AGMO: variants seen among roughly 807,000 people sequenced by gnomAD.
AGMO encodes alkylglycerol monooxygenase.
A neutral mutation model predicts 60.2 loss-of-function variants in AGMO; 75 were observed. That is an observed-to-expected ratio of 1.25 (90% confidence interval 1.03 to 1.51). The LOEUF (loss-of-function observed/expected upper bound fraction) is 1.51, where lower values mean the gene tolerates loss of function less well. Ranked by LOEUF, AGMO falls within the 40% of genes most tolerant of loss-of-function variation. The pLI, the probability that AGMO is intolerant of heterozygous loss-of-function variation, is 0.00. For synonymous variants in AGMO, 261 were observed against 177.1 expected (o/e 1.47, Z -3.76); for missense variants, 763 against 525.5 (o/e 1.45, Z -4.42).
chr7:15,226,855 T>C lies in AGMO; in HGVS notation c.1264-25496A>G, dbSNP rs146913871. 3.2e-4 allele frequency among the ~76,000 whole-genome samples: 48 copies of C among 152,180 alleles called. No homozygotes were observed. The East Asian group carries it at 8.9e-3, about 28-fold the overall frequency. ...ATTTTTATATTCATGAAAAATAGTC[T>C]GGCAGAAAACGTCATTATAAAATCA... On this transcript the variant is annotated intron_variant, in intron 12 of 12. Coordinates refer to ENST00000342526, the MANE Select transcript of AGMO (RefSeq NM_001004320.2).
chr7:15,332,392 C>T (rs550219770), intron 12 of AGMO, among the ~76,000 whole-genome samples: 1 of 152,232 alleles, frequency 6.6e-6, no homozygotes, highest in African/African-American at 2.4e-5. Context: ...AGGTCTGTCT[C>T]GTCTGGAAAC....
rs150893769 is a variant in AGMO at position 15,452,929 on chromosome 7, G to A, written c.410-21821C>T. ...GAAGTGATACATGTGCAGTGTGAATGAACTTGGAAATGTTATAGTAAGTGA... is the reference window on the plus strand; with the variant it reads ...GAAGTGATACATGTGCAGTGTGAATAAACTTGGAAATGTTATAGTAAGTGA... On this transcript the variant is annotated intron_variant, in intron 3 of 12. Coordinates refer to ENST00000342526, the MANE Select transcript of AGMO (RefSeq NM_001004320.2). Among the ~76,000 whole-genome samples, 854 of 152,274 alleles carry A rather than the reference G, an allele frequency of 5.6e-3. 5 individuals are homozygous for A. The highest frequency in any genetic ancestry group is 0.014 in the Middle Eastern group (4 of 294).
intron 12 of AGMO, among the ~76,000 whole-genome samples, chr7:15,202,298 T>C (rs547818532): frequency 6.6e-6 from 1 of 151,978 alleles, no homozygotes; most frequent in African/African-American, 2.4e-5. Context: ...ATTAAGAAGA[T>C]GAAGGCATGG....
At chr7:15,392,452 T>C (rs1001371646) in intron 6 of AGMO, among the ~76,000 whole-genome samples, 2 of 152,056 alleles carry the variant, frequency 1.3e-5, no homozygotes, top group African/African-American at 2.4e-5. Flanking sequence ...ACTTCTTGAC[T>C]TATGGAGTGG....
chr7:15,253,487 C>A (rs1039532203), intron 12 of AGMO, among the ~76,000 whole-genome samples: 19 of 152,060 alleles, frequency 1.2e-4, no homozygotes, highest in African/African-American at 4.6e-4. Context: ...GATTTCTGAG[C>A]AAGGTGCAGG....
At chr7:15,163,098 T>G in the AGMO span, among the ~76,000 whole-genome samples, 1 of 152,278 alleles carries the variant, frequency 6.6e-6, no homozygotes, top group East Asian at 1.9e-4. Context: ...TAATTGAAAT[T>G]GAGTTCTTAA....
intron 2 of AGMO, among the ~76,000 whole-genome samples, chr7:15,557,808 C>T (rs1224652097): frequency 6.6e-6 from 1 of 152,006 alleles, no homozygotes; most frequent in Admixed American, 6.6e-5. Context: ...GAGTAATTTG[C>T]TATTCTCATT....
At chr7:15,418,727 T>G (rs931682561) in intron 4 of AGMO, 74 bp from the exon 5 acceptor site, 8 of 863,168 alleles carry the variant, frequency 9.3e-6, no homozygotes, top group Non-Finnish European at 1.3e-5. Context: ...TTCAATATTC[T>G]GAATGCATAT....
At chr7:15,173,021 T>G in the AGMO span, among the ~76,000 whole-genome samples, 5 of 152,212 alleles carry the variant, frequency 3.3e-5, no homozygotes, top group East Asian at 9.6e-4. Flanking sequence ...ATAAAATATT[T>G]CTTTATAGCT....
intron 3 of AGMO, among the ~76,000 whole-genome samples, chr7:15,519,673 G>T (rs1783926330): frequency 6.6e-6 from 1 of 151,964 alleles, no homozygotes. Flanking sequence ...ATATGAAAAG[G>T]AAAAACCAGT....
At chr7:15,414,167 C>G (rs1433693109) in intron 5 of AGMO, among the ~76,000 whole-genome samples, 3 of 151,914 alleles carry the variant, frequency 2.0e-5, no homozygotes, top group African/African-American at 4.8e-5. Flanking sequence ...GCCACCACAC[C>G]CAGCTAATTG....
At chr7:15,294,637 A>G (rs1181803983) in intron 12 of AGMO, among the ~76,000 whole-genome samples, 1 of 151,950 alleles carries the variant, frequency 6.6e-6, no homozygotes, top group Non-Finnish European at 1.5e-5. Context: ...ATTTGAGGCG[A>G]TGGGAAGGCT....
At chr7:15,240,404 A>C (rs567648364) in intron 12 of AGMO, among the ~76,000 whole-genome samples, 2 of 152,194 alleles carry the variant, frequency 1.3e-5, no homozygotes, top group Non-Finnish European at 2.9e-5. Flanking sequence ...ACAAGAATTG[A>C]GAGAAGCTGA....
chr7:15,491,298 C>T (rs1783058932), intron 3 of AGMO, among the ~76,000 whole-genome samples: 1 of 152,056 alleles, frequency 6.6e-6, no homozygotes, highest in Non-Finnish European at 1.5e-5. Flanking sequence ...CAAAACTAGG[C>T]AAATTATACT....
Position 15,201,190 on chromosome 7 carries a change from T to C in AGMO, c.*95A>G. The C allele has an allele frequency of 2.9e-6, 2 of 697,386 alleles. No homozygotes were observed. The highest frequency in any genetic ancestry group is 4.6e-6 in the Non-Finnish European group (2 of 439,450). The allele number at this position is 697,386 out of a possible 1,614,324, so 43.2% of individuals were successfully genotyped here. A position where few individuals can be genotyped will look rare whatever the true frequency, so the allele number is the denominator to read the frequency against. Reference sequence around the variant, plus strand: ...TACTTTTCATTGAAGAAATAGTTCATATAAGCATTACATAAAATAATTACA... The same window carrying C: ...TACTTTTCATTGAAGAAATAGTTCACATAAGCATTACATAAAATAATTACA... On this transcript the variant is annotated 3_prime_UTR_variant, in exon 13 of 13. Coordinates refer to ENST00000342526, the MANE Select transcript of AGMO (RefSeq NM_001004320.2).
chr7:15,355,273 C>T (rs961226307), intron 12 of AGMO, among the ~76,000 whole-genome samples: 45 of 151,890 alleles, frequency 3.0e-4, no homozygotes, highest in African/African-American at 6.5e-4. Context: ...GAGGCCGAGA[C>T]GGGCGGATCA....
chr7:15,358,275 G>T (rs1340094542), intron 12 of AGMO: 1 of 357,180 alleles, frequency 2.8e-6, no homozygotes, highest in African/African-American at 2.2e-5. Context: ...TCTTAAGGTT[G>T]CTGCTTTGAG....
At chr7:15,551,397 A>G (rs1784956208) in intron 2 of AGMO, among the ~76,000 whole-genome samples, 1 of 149,320 alleles carries the variant, frequency 6.7e-6, no homozygotes, top group African/African-American at 2.5e-5. Context: ...TGCAGACGAC[A>G]TGATTGTATA....
intron 3 of AGMO, among the ~76,000 whole-genome samples, chr7:15,441,303 C>T (rs186601795): frequency 2.6e-4 from 40 of 152,256 alleles, no homozygotes; most frequent in Admixed American, 2.4e-3. Context: ...GTTATCAGTA[C>T]TACATTATAA....
Sources: allele counts gnomAD v4.1 joint callset (sites outside exome capture counted in the v4.1 genomes callset), GRCh38; gene constraint gnomAD v4.1.1; transcripts MANE v1.5; gene names NCBI Gene and HGNC (gene_info 2026-07-23, HGNC 2026-07-21).